Variants in CCDC150 observed in about 807,000 individuals in gnomAD.
CCDC150 encodes the protein coiled-coil domain containing 150.
In CCDC150, 151 loss-of-function variants were observed where a neutral mutation model predicts 156.5. That is an observed-to-expected ratio of 0.97 (90% CI 0.85 to 1.10). CCDC150 has a LOEUF of 1.10. Among genes scored for constraint, CCDC150 ranks in the 50% least tolerant of loss-of-function variants. The probability of loss-of-function intolerance (pLI) is 0.00; values close to 1 mark genes in which losing one functional copy is unlikely to be tolerated. For missense variants in CCDC150, 1,312 were observed against 1,268.1 expected (o/e 1.03, Z -0.53); for synonymous variants, 452 against 429.4 (o/e 1.05, Z -0.65).
intron 13 of CCDC150, among the ~76,000 whole-genome samples, chr2:196,691,615 T>G (rs1559246968): frequency 2.0e-5 from 3 of 151,858 alleles, no homozygotes; most frequent in Admixed American, 2.0e-4. Flanking sequence ...TATTTATTAG[T>G]CTAGCTAGAA....
At chr2:196,717,889 TCAAAA>T (rs994903543) in intron 17 of CCDC150, among the ~76,000 whole-genome samples, 1 of 78,842 alleles carries the variant, frequency 1.3e-5, no homozygotes, top group Non-Finnish European at 3.0e-5. Flanking sequence ...AAATTCAGTC[TCAAAA>T]AAAAAAAAGC....
At chr2:196,703,113 C>T (rs1696351638) in intron 15 of CCDC150, among the ~76,000 whole-genome samples, 2 of 152,202 alleles carry the variant, frequency 1.3e-5, no homozygotes, top group Admixed American at 1.3e-4. Flanking sequence ...TAAATTGCAG[C>T]ATGAGTTTTG....
At chr2:196,662,473 A>G (rs1693612659) in intron 5 of CCDC150, among the ~76,000 whole-genome samples, 1 of 152,098 alleles carries the variant, frequency 6.6e-6, no homozygotes, top group Non-Finnish European at 1.5e-5. Context: ...GAAGCGTGCA[A>G]CCTAGATCCC....
At position 196,680,066 on chromosome 2, in the gene CCDC150, A is replaced by G. The variant is rs1694730978; in HGVS notation, c.1509+2705A>G. Among the ~76,000 whole-genome samples the G allele has an allele frequency of 2.0e-5, 3 of 152,040 alleles. No individual in the cohort carries two copies. The South Asian group carries it at 6.2e-4, about 32-fold the overall frequency. ...ATGTGTTTTATAGATCTCTTCTTCC[A>G]TTTTATGACTTTTTTCATTTTCTTT... is the stretch of plus-strand genomic sequence containing the variant. On this transcript the variant is annotated intron_variant, in intron 13 of 27. Transcript: ENST00000389175.
At chr2:196,688,683 A>G (rs1695260386) in intron 13 of CCDC150, among the ~76,000 whole-genome samples, 1 of 151,814 alleles carries the variant, frequency 6.6e-6, no homozygotes, top group Non-Finnish European at 1.5e-5. Flanking sequence ...ATTTTCTCCC[A>G]TTTTGTAGGT....
At chr2:196,663,992 A>G (rs978248862) in intron 5 of CCDC150, among the ~76,000 whole-genome samples, 1 of 152,210 alleles carries the variant, frequency 6.6e-6, no homozygotes, top group South Asian at 2.1e-4. Context: ...TTACCTAATA[A>G]TAAAAGAGAC....
chr2:196,658,066 G>C (rs1237130369), intron 4 of CCDC150, among the ~76,000 whole-genome samples: 1 of 152,146 alleles, frequency 6.6e-6, no homozygotes, highest in Non-Finnish European at 1.5e-5. Context: ...GAGCGATTGA[G>C]ATTTTTGATA....
chr2:196,654,533 C>T (rs1213665046), intron 2 of CCDC150, among the ~76,000 whole-genome samples: 1 of 151,808 alleles, frequency 6.6e-6, no homozygotes, highest in African/African-American at 2.4e-5. Context: ...TGCCATTGAA[C>T]CCCTCTATTG....
At chr2:196,704,596 A>C (rs1470818357) in intron 15 of CCDC150, among the ~76,000 whole-genome samples, 1 of 152,130 alleles carries the variant, frequency 6.6e-6, no homozygotes, top group Non-Finnish European at 1.5e-5. Context: ...ACATGTGCAC[A>C]ACATGCAGGT....
In CCDC150 at chr2:196,721,963, A is replaced by G. The variant is rs555371917; in HGVS notation, c.2429+272A>G. Among the ~76,000 whole-genome samples the G allele has an allele frequency of 1.9e-3, 288 of 152,280 alleles. 2 individuals carry two copies. The highest frequency in any genetic ancestry group is 6.4e-3 in the African/African-American group (268 of 41,564). On this transcript the variant is annotated intron_variant, in intron 21 of 27. Transcript: ENST00000389175. ...TCAAAGGTTAAATCAAAACTTAAAG[A>G]ATATTGATTAGAAGGGACGTTCACA...
At chr2:196,694,261 G>A (rs1695674586) in intron 13 of CCDC150, among the ~76,000 whole-genome samples, 1 of 152,000 alleles carries the variant, frequency 6.6e-6, no homozygotes, top group Non-Finnish European at 1.5e-5. Flanking sequence ...TCTCCATGTT[G>A]GTCAGGCTGG....
intron 13 of CCDC150, among the ~76,000 whole-genome samples, chr2:196,691,706 G>A (rs1160890091): frequency 6.6e-6 from 1 of 152,062 alleles, no homozygotes; most frequent in African/African-American, 2.4e-5. Context: ...ACTTTGGGAG[G>A]CCGAGGCAGG....
intron 2 of CCDC150, among the ~76,000 whole-genome samples, chr2:196,647,885 C>T (rs911190895): frequency 2.6e-5 from 4 of 152,088 alleles, no homozygotes; most frequent in Non-Finnish European, 2.9e-5. Context: ...TGTACTCTGA[C>T]GAACAATCTC....
At chr2:196,709,357 G>A (rs1696914451) in intron 15 of CCDC150, among the ~76,000 whole-genome samples, 1 of 152,082 alleles carries the variant, frequency 6.6e-6, no homozygotes, top group Non-Finnish European at 1.5e-5. Context: ...GCTCCATCAG[G>A]TCATTTATGG....
intron 17 of CCDC150, among the ~76,000 whole-genome samples, chr2:196,715,643 G>C (rs1378531855): frequency 6.6e-6 from 1 of 152,122 alleles, no homozygotes; most frequent in African/African-American, 2.4e-5. Flanking sequence ...ACGGTGCCGG[G>C]ATAATTGGAT....
At position 196,673,495 on chromosome 2, in the gene CCDC150, T is replaced by C. The variant is rs572150713; in HGVS notation, c.1030-746T>C. Among the ~76,000 whole-genome samples the C allele has an allele frequency of 4.3e-4, 65 of 152,320 alleles. 2 individuals are homozygous for C. In the South Asian group the frequency reaches 0.013, roughly 32 times the overall value. ...TTCTAACTACTGTACTGCCTGCCCATACCACTTGTGATGTTTGCCAGATAA... is the reference window on the plus strand; with the variant it reads ...TTCTAACTACTGTACTGCCTGCCCACACCACTTGTGATGTTTGCCAGATAA... On this transcript the variant is annotated intron_variant, in intron 9 of 27. Coordinates refer to ENST00000389175, the MANE Select transcript of CCDC150 (RefSeq NM_001080539.2).
intron 13 of CCDC150, among the ~76,000 whole-genome samples, chr2:196,692,430 G>A (rs1026414430): frequency 1.3e-5 from 2 of 152,084 alleles, no homozygotes; most frequent in Admixed American, 6.5e-5. Context: ...CACCGCGCCC[G>A]GCCGAGATCT....
intron 9 of CCDC150, among the ~76,000 whole-genome samples, chr2:196,672,711 C>T (rs922729191): frequency 3.3e-5 from 5 of 152,124 alleles, no homozygotes; most frequent in African/African-American, 1.2e-4. Flanking sequence ...TTCTAATTTG[C>T]TCATTAAATA....
intron 15 of CCDC150, among the ~76,000 whole-genome samples, chr2:196,705,514 G>C (rs1332865810): frequency 1.3e-5 from 2 of 152,114 alleles, no homozygotes; most frequent in African/African-American, 4.8e-5. Context: ...TCACTCTCAT[G>C]GTAGTTAGTT....
Sources: gnomAD v4.1 joint callset for allele counts (sites outside exome capture counted in the v4.1 genomes callset) on GRCh38, gnomAD v4.1.1 for gene constraint, MANE v1.5 for transcripts, NCBI Gene and HGNC (gene_info 2026-07-23, HGNC 2026-07-21) for gene names.